LAMA1: variants seen among roughly 807,000 people sequenced by gnomAD.
LAMA1 encodes laminin subunit alpha-1.
A neutral mutation model predicts 348.7 loss-of-function variants in LAMA1; 219 were observed. The ratio of observed to expected loss-of-function variants is 0.63; its 90% confidence interval spans 0.56 to 0.70. The LOEUF (loss-of-function observed/expected upper bound fraction) is 0.70, where lower values mean the gene tolerates loss of function less well. LAMA1 is among the 30% of genes least tolerant of loss of function. The pLI is 0.00. For synonymous variants in LAMA1, 1,487 were observed against 1,491.0 expected, an observed-to-expected ratio of 1.00 and a Z score of 0.06; for missense variants, 3,744 against 3,888.0, an observed-to-expected ratio of 0.96 and a Z score of 0.99.
rs1258049588 is a variant in LAMA1 at position 7,080,077 on chromosome 18, T to C, written c.243A>G (p.Pro81=). The C allele has an allele frequency of 1.2e-6, 2 of 1,612,690 alleles. No individual in the cohort carries two copies. Among genetic ancestry groups the C allele is most frequent in the Non-Finnish European group, 1.7e-6 (2 of 1,178,790 alleles). Residue 81 remains proline, a synonymous_variant, in exon 3 of 63, where the codon CCA becomes CCG. Transcript: ENST00000389658. Reference sequence around the variant, plus strand: ...TGGTGCCATCTATGGCATGTGATATTGGATGGCGTTCTGTTGAAAGAAAAT... The same window carrying C: ...TGGTGCCATCTATGGCATGTGATATCGGATGGCGTTCTGTTGAAAGAAAAT... The part of the protein sequence containing the change: ...GNSANPRERH[P]ISHAIDGTNN...
intron 39 of LAMA1, among the ~76,000 whole-genome samples, chr18:6,983,904 G>A (rs1204884317): frequency 6.6e-6 from 1 of 152,136 alleles, no homozygotes; most frequent in East Asian, 1.9e-4. Context: ...CAAGGTTATT[G>A]AGTCGGGCAA....
At chr18:6,966,086 A>T in intron 49 of LAMA1, 61 bp downstream of exon 49, 1 of 1,580,620 alleles carries the variant, frequency 6.3e-7, no homozygotes, top group East Asian at 2.2e-5. Context: ...AACATAAACA[A>T]CCACATAGCA....
intron 30 of LAMA1, among the ~76,000 whole-genome samples, 175 bp downstream of exon 30, chr18:7,002,089 G>GA (rs2057810112): frequency 6.6e-6 from 1 of 152,176 alleles, no homozygotes; most frequent in South Asian, 2.1e-4. Flanking sequence ...CTTTGCTTTT[G>GA]AAAAGATTCT....
intron 1 of LAMA1, among the ~76,000 whole-genome samples, chr18:7,106,163 T>C (rs1465043443): frequency 6.6e-6 from 1 of 152,132 alleles, no homozygotes; most frequent in East Asian, 1.9e-4. Context: ...CCACATCTGT[T>C]ATGTACAGAG....
At chr18:7,015,593 T>TG (rs2057883515) in intron 22 of LAMA1, 129 bp downstream of exon 22, 1 of 1,249,868 alleles carries the variant, frequency 8.0e-7, no homozygotes, top group South Asian at 1.3e-5. Context: ...ATTGAGTTTT[T>TG]TTTTTTTTTT....
intron 48 of LAMA1, among the ~76,000 whole-genome samples, chr18:6,968,238 C>T (rs2057642471): frequency 6.6e-6 from 1 of 152,160 alleles, no homozygotes; most frequent in Non-Finnish European, 1.5e-5. Context: ...GTCCGCCCTC[C>T]CCAGCGCTCA....
chr18:7,110,040 G>A (rs1341090958), intron 1 of LAMA1, among the ~76,000 whole-genome samples: 1 of 152,092 alleles, frequency 6.6e-6, no homozygotes, highest in African/African-American at 2.4e-5. Flanking sequence ...AATTAGCAGG[G>A]TGTAGTGGCG....
At chr18:7,113,103 T>C (rs998010838) in intron 1 of LAMA1, among the ~76,000 whole-genome samples, 2 of 152,116 alleles carry the variant, frequency 1.3e-5, no homozygotes, top group Admixed American at 1.3e-4. Context: ...GTGAGCCAGA[T>C]AAGTCATTGG....
intron 16 of LAMA1, among the ~76,000 whole-genome samples, chr18:7,028,720 C>T (rs529243484): frequency 1.3e-5 from 2 of 152,228 alleles, no homozygotes; most frequent in Non-Finnish European, 2.9e-5. Flanking sequence ...CCTTCCCCCC[C>T]TCATTTAAAA....
At chr18:7,061,440 T>C (rs2058101582) in intron 3 of LAMA1, among the ~76,000 whole-genome samples, 1 of 152,172 alleles carries the variant, frequency 6.6e-6, no homozygotes, top group Non-Finnish European at 1.5e-5. Context: ...TAGAATGATA[T>C]AAACCCACTT....
intron 36 of LAMA1, among the ~76,000 whole-genome samples, chr18:6,992,035 A>C (rs2057761154): frequency 6.6e-6 from 1 of 152,230 alleles, no homozygotes; most frequent in African/African-American, 2.4e-5. Flanking sequence ...GGAAATGCTA[A>C]GATAAAAGCT....
Position 7,038,938 on chromosome 18 carries a change from C to T in LAMA1, c.1435G>A (p.Gly479Arg). 1.9e-6 allele frequency: 3 copies of T among 1,613,634 alleles called. No homozygotes were observed. The highest frequency in any genetic ancestry group is 4.5e-5 in the East Asian group (2 of 44,858). ...GGCTTGCAGCGATCACAGGCCTTCC[C>T]CTCAACGTTTTCCTGTAAGTTAGGG... ...GPCVCKENVE[G>R]KACDRCKPGF... The change falls in exon 11 of 63, where the codon GGG becomes AGG. Residue 479 changes from glycine (G) to arginine (R), a missense_variant. By Grantham distance (125) the Gly-to-Arg change is moderately radical. Around this residue, in one of 3 missense-constraint regions of LAMA1, gnomAD observed 1,529 missense variants for 1,689.4 expected, o/e 0.91. Transcript: ENST00000389658.
intron 5 of LAMA1, 42 bp downstream of exon 5, chr18:7,049,036 A>T: frequency 6.4e-7 from 1 of 1,558,810 alleles, no homozygotes; most frequent in Non-Finnish European, 8.8e-7. Flanking sequence ...AATAAAATGA[A>T]TCTTTTTATT....
chr18:7,066,425 G>A (rs1480782608), intron 3 of LAMA1, among the ~76,000 whole-genome samples: 3 of 152,110 alleles, frequency 2.0e-5, no homozygotes, highest in Admixed American at 2.0e-4. Context: ...GAGACTTAGA[G>A]TCAAATCGGT....
At chr18:7,043,471 A>T in intron 7 of LAMA1, 66 bp from the exon 8 acceptor site, 1 of 1,299,068 alleles carries the variant, frequency 7.7e-7, no homozygotes, top group South Asian at 1.2e-5. Context: ...AAAACTCTTA[A>T]CCTCCCTAAG....
intron 19 of LAMA1, among the ~76,000 whole-genome samples, 167 bp from the exon 20 acceptor site, chr18:7,017,551 A>G (rs2057894850): frequency 6.6e-6 from 1 of 152,248 alleles, no homozygotes; most frequent in Non-Finnish European, 1.5e-5. Context: ...ATTTTTCTGA[A>G]GAGTAAACTG....
chr18:7,066,047 C>T (rs547302377), intron 3 of LAMA1, among the ~76,000 whole-genome samples: 1 of 152,178 alleles, frequency 6.6e-6, no homozygotes, highest in Non-Finnish European at 1.5e-5. Context: ...CTCACCAAAA[C>T]CAATGCTTTC....
chr18:7,023,177 G>C lies in LAMA1; in HGVS notation c.2688C>G (p.Ala896=), dbSNP rs780623850. ...TCACGCACTCACCGCGGCAGTTCTT[G>C]GCTGTCACAGCGTCCCCATAGAACC... ...ADGFYGDAVT[A]KNCRACECHV... is the part of the protein sequence containing the mutation. Residue 896 remains alanine (A), a synonymous_variant, in exon 19 of 63, where the codon GCC becomes GCG. Coordinates refer to ENST00000389658, the MANE Select transcript of LAMA1 (RefSeq NM_005559.4). 4.3e-6 allele frequency: 7 copies of C among 1,612,614 alleles called. No homozygotes were observed. The highest frequency in any genetic ancestry group is 5.9e-6 in the Non-Finnish European group (7 of 1,179,816).
In LAMA1 at chr18:7,007,300, C is replaced by A. The variant is rs370968200; in HGVS notation, c.4123-24G>T. 2.7e-4 allele frequency: 434 copies of A among 1,604,724 alleles called. 2 individuals are homozygous for A. Among genetic ancestry groups the A allele is most frequent in the Non-Finnish European group, 3.6e-4 (418 of 1,175,760 alleles). ...TCCTGAGGGGGTGCAAAAGGGAGGA[C>A]AAAAAAGTCTGATTAATGAGTGAGT... is the stretch of plus-strand genomic sequence containing the variant. On this transcript the variant is annotated intron_variant, in intron 28 of 62. Coordinates refer to ENST00000389658, the MANE Select transcript of LAMA1 (RefSeq NM_005559.4).
Sources: allele counts gnomAD v4.1 joint callset (sites outside exome capture counted in the v4.1 genomes callset), GRCh38; gene constraint gnomAD v4.1.1; regional missense constraint gnomAD v4.1.1; transcripts MANE v1.5; gene names NCBI Gene and HGNC (gene_info 2026-07-23, HGNC 2026-07-21).